The following TLL1 variants were observed in gnomAD, a reference collection of about 807,000 sequenced individuals.
The protein encoded by TLL1 is tolloid-like protein 1.
In TLL1, 49 loss-of-function variants were observed where a neutral mutation model predicts 128.2. The observed-to-expected ratio is 0.38, with a 90% confidence interval of 0.30 to 0.48. TLL1 has a LOEUF of 0.48. Among genes scored for constraint, TLL1 ranks in the 20% least tolerant of loss-of-function variants. TLL1 has a pLI of 0.96. For synonymous variants in TLL1, 454 were observed against 418.8 expected (o/e 1.08, Z -1.03); for missense variants, 1,123 against 1,242.0 (o/e 0.90, Z 1.44).
At chr4:166,035,590 C>T (rs995666142) in intron 9 of TLL1, among the ~76,000 whole-genome samples, 3 of 151,672 alleles carry the variant, frequency 2.0e-5, no homozygotes, top group Non-Finnish European at 4.4e-5. Context: ...TCTTCTGACT[C>T]CCAATCAAGA....
At chr4:166,075,041 A>C (rs1740960388) in intron 17 of TLL1, 38 bp downstream of exon 17, 2 of 1,609,884 alleles carry the variant, frequency 1.2e-6, no homozygotes, top group East Asian at 4.5e-5. Flanking sequence ...CAACATGTAG[A>C]ATTTCATGTG....
chr4:166,025,125 T>C (rs1738432182), intron 8 of TLL1, among the ~76,000 whole-genome samples, 191 bp from the exon 9 acceptor site: 1 of 152,164 alleles, frequency 6.6e-6, no homozygotes, highest in African/African-American at 2.4e-5. Context: ...TTCACCATAA[T>C]GATGCCATTA....
Position 165,874,138 on chromosome 4 carries a change from TG to T in TLL1, c.169+67del. The stretch of plus-strand genomic sequence containing the variant: ...GCCGCTGCGCTGGGTTTCCCATGGG[TG>T]GCGGTGGGAGCTCACCTGTTTCCTT... On this transcript the variant is annotated intron_variant, in intron 1 of 20. Coordinates refer to ENST00000061240, the MANE Select transcript of TLL1 (RefSeq NM_012464.5). The T allele has an allele frequency of 3.8e-6, 6 of 1,590,536 alleles. No individual in the cohort carries two copies. The South Asian group carries it at 6.6e-5, about 18-fold the overall frequency.
At chr4:166,065,636 A>T in intron 15 of TLL1, 47 bp from the exon 16 acceptor site, 3 of 1,577,354 alleles carry the variant, frequency 1.9e-6, no homozygotes, top group East Asian at 4.5e-5. Context: ...AATGTCAATC[A>T]TCTTGTACTC....
chr4:165,931,730 A>T (rs1733538619), intron 1 of TLL1, among the ~76,000 whole-genome samples: 1 of 151,678 alleles, frequency 6.6e-6, no homozygotes, highest in South Asian at 2.1e-4. Flanking sequence ...AAAGAAAAAA[A>T]AAAGAAATTG....
rs3047106 is a variant in TLL1 at position 166,098,334 on chromosome 4, CAA to C, written c.2657-923_2657-922del. Among the ~76,000 whole-genome samples, 202 of 110,378 alleles carry C rather than the reference CAA, an allele frequency of 1.8e-3. 1 individual carries two copies. The highest frequency in any genetic ancestry group is 2.7e-3 in the Non-Finnish European group (155 of 56,550). The allele number at this position is 110,378 out of a possible 152,430, so 72.4% of individuals were successfully genotyped here. ...TGGGTGATAGAGCGAGAGTTCTTCT[CAA>C]AAAAAAAAAAAAAAAAAAAGCTTTG... On this transcript the variant is annotated intron_variant, in intron 19 of 20. Transcript: ENST00000061240.
chr4:165,964,960 A>G (rs1212085426), intron 1 of TLL1, among the ~76,000 whole-genome samples: 2 of 152,122 alleles, frequency 1.3e-5, no homozygotes, highest in Non-Finnish European at 2.9e-5. Context: ...TAAGTAAATA[A>G]ATAAATAAAT....
chr4:165,908,582 C>CAA (rs575726410), intron 1 of TLL1, among the ~76,000 whole-genome samples: 53 of 63,530 alleles, frequency 8.3e-4, no homozygotes, highest in Admixed American at 3.2e-3. Context: ...GACCCTGTCT[C>CAA]AAAAAAAAAA....
At chr4:165,890,244 A>C (rs1225476775) in intron 1 of TLL1, among the ~76,000 whole-genome samples, 2 of 152,194 alleles carry the variant, frequency 1.3e-5, no homozygotes, top group Admixed American at 6.5e-5. Context: ...ATTCAAGATG[A>C]GATTTGGGTG....
In TLL1 at chr4:165,961,346, C is replaced by T. The variant is rs570566038; in HGVS notation, c.170-28035C>T. 2.0e-4 allele frequency among the ~76,000 whole-genome samples: 30 copies of T among 147,578 alleles called. No homozygotes were observed. The South Asian group carries it at 5.8e-3, about 29-fold the overall frequency. On this transcript the variant is annotated intron_variant, in intron 1 of 20. Transcript: ENST00000061240. ...TGTCACAAACGAATGGAAAAACCTT[C>T]TGTGCTCATGATTGGAAGAATCAAT...
intron 16 of TLL1, among the ~76,000 whole-genome samples, chr4:166,071,667 C>T (rs1287083400): frequency 6.6e-6 from 1 of 151,892 alleles, no homozygotes; most frequent in Non-Finnish European, 1.5e-5. Context: ...TTCTTGAAAA[C>T]AGAGTTTTTG....
At chr4:165,911,009 T>A (rs990959325) in intron 1 of TLL1, among the ~76,000 whole-genome samples, 7 of 152,202 alleles carry the variant, frequency 4.6e-5, no homozygotes, top group African/African-American at 7.2e-5. Flanking sequence ...ATCCATCACT[T>A]TGAGCATTTA....
At chr4:165,975,802 C>T (rs1735849582) in intron 1 of TLL1, among the ~76,000 whole-genome samples, 1 of 151,958 alleles carries the variant, frequency 6.6e-6, no homozygotes, top group Non-Finnish European at 1.5e-5. Flanking sequence ...CTTTGGGAGG[C>T]TGAGGCGGGT....
chr4:166,067,820 T>G (rs1032947149), intron 16 of TLL1, among the ~76,000 whole-genome samples: 2 of 151,748 alleles, frequency 1.3e-5, no homozygotes, highest in Admixed American at 6.6e-5. Context: ...TATTGTTATA[T>G]TCATATATTT....
At chr4:166,015,880 T>G (rs1248773707) in intron 8 of TLL1, among the ~76,000 whole-genome samples, 2 of 151,782 alleles carry the variant, frequency 1.3e-5, no homozygotes, top group African/African-American at 4.8e-5. Flanking sequence ...AATTTTACTG[T>G]AATTGTTAGT....
intron 1 of TLL1, among the ~76,000 whole-genome samples, chr4:165,976,305 A>ACTT (rs1454049154): frequency 3.3e-5 from 5 of 152,192 alleles, no homozygotes; most frequent in African/African-American, 1.2e-4. Context: ...TACAAGGAAC[A>ACTT]CTTAGAAAAT....
intron 15 of TLL1, among the ~76,000 whole-genome samples, chr4:166,061,355 T>G (rs553031416): frequency 6.6e-6 from 1 of 151,732 alleles, no homozygotes; most frequent in African/African-American, 2.4e-5. Context: ...AAACAATTCT[T>G]CCTGCCTCAG....
chr4:166,100,953 T>C lies in TLL1; in HGVS notation c.*77T>C. 5 of 1,543,572 alleles carry C rather than the reference T, an allele frequency of 3.2e-6. No homozygotes were observed. Among genetic ancestry groups the C allele is most frequent in the East Asian group, 2.4e-5 (1 of 42,334 alleles). Reference sequence around the variant, plus strand: ...ATATTTTTTTTAAAACTGAAGATATTGGCACAAATGTTTTATACAAAGAGT... The same window carrying C: ...ATATTTTTTTTAAAACTGAAGATATCGGCACAAATGTTTTATACAAAGAGT... On this transcript the variant is annotated 3_prime_UTR_variant, in exon 21 of 21. Coordinates refer to ENST00000061240, the MANE Select transcript of TLL1 (RefSeq NM_012464.5).
chr4:166,030,523 G>C (rs1373858325), intron 9 of TLL1: 3 of 609,562 alleles, frequency 4.9e-6, no homozygotes, highest in South Asian at 2.0e-5. Flanking sequence ...CATACCACTT[G>C]TCTACTTTTA....
Sources: gnomAD v4.1 joint callset for allele counts (sites outside exome capture counted in the v4.1 genomes callset) on GRCh38, gnomAD v4.1.1 for gene constraint, MANE v1.5 for transcripts, NCBI Gene and HGNC (gene_info 2026-07-23, HGNC 2026-07-21) for gene names.